The following APBA3 variants were observed in gnomAD, a reference collection of about 807,000 sequenced individuals.
APBA3 encodes the protein amyloid beta precursor protein binding family A member 3.
APBA3 carries 45 observed loss-of-function variants against 55.9 expected under a neutral mutation model. That is an observed-to-expected ratio of 0.80 (90% confidence interval 0.63 to 1.03). The LOEUF (loss-of-function observed/expected upper bound fraction) is 1.03. APBA3 is among the 50% of genes least tolerant of loss of function. APBA3 has a pLI of 0.00. For missense variants in APBA3, 865 were observed against 820.3 expected, an observed-to-expected ratio of 1.05 and a Z score of -0.67; for synonymous variants, 370 against 353.3, an observed-to-expected ratio of 1.05 and a Z score of -0.53.
chr19:3,754,105 C>A lies in APBA3; in HGVS notation c.763G>T (p.Ala255Ser), dbSNP rs1243896316. ...ATGGGCTGGGTCTCCCCATCGGGGG[C>A]CTGTGGGTGGCGGCGTGGGAGGTGG... ...QAREAMDRVK[A>S]PDGETQPMTE... The change falls in exon 5 of 11, where the codon GCC (alanine) becomes TCC (serine). Residue 255 changes from alanine to serine, a missense_variant and splice_region_variant. Physicochemically the swap from Ala to Ser is moderately conservative, Grantham distance 99. Coordinates refer to ENST00000316757, the MANE Select transcript of APBA3 (RefSeq NM_004886.4). 5.0e-6 allele frequency: 8 copies of A among 1,601,178 alleles called. No homozygotes were observed. In the Admixed American group the frequency reaches 5.1e-5, roughly 10 times the overall value.
chr19:3,751,723 A>G (rs2037008510), intron 8 of APBA3, 170 bp from the exon 9 acceptor site: 1 of 788,010 alleles, frequency 1.3e-6, no homozygotes, highest in Non-Finnish European at 1.9e-6. Context: ...CCCGGTGGGC[A>G]TGGGGTCGAA....
Position 3,751,108 on chromosome 19 carries a change from G to A in APBA3, c.1657-11C>T, listed in dbSNP as rs751504608. On this transcript the variant is annotated splice_polypyrimidine_tract_variant and intron_variant, in intron 10 of 10. Coordinates refer to ENST00000316757, the MANE Select transcript of APBA3 (RefSeq NM_004886.4). Reference sequence around the variant, plus strand: ...CGTCTTGATATGCACCTGGGGAGTGGAGGCGGAACGGGGCTCAGGGCAGGC... The same window carrying A: ...CGTCTTGATATGCACCTGGGGAGTGAAGGCGGAACGGGGCTCAGGGCAGGC... 6.4e-7 allele frequency: 1 copy of A among 1,565,598 alleles called. No individual in the cohort carries two copies. The highest frequency in any genetic ancestry group is 8.7e-7 in the Non-Finnish European group (1 of 1,154,768).
chr19:3,759,124 G>A (rs2037112976), intron 3 of APBA3, among the ~76,000 whole-genome samples: 1 of 152,124 alleles, frequency 6.6e-6, no homozygotes, highest in Non-Finnish European at 1.5e-5. Context: ...AGCTATTTGG[G>A]AAACTGAGGT....
At chr19:3,759,071 G>A (rs1478414143) in intron 3 of APBA3, among the ~76,000 whole-genome samples, 1 of 147,438 alleles carries the variant, frequency 6.8e-6, no homozygotes, top group Non-Finnish European at 1.5e-5. Flanking sequence ...AAATAAATAC[G>A]AAATAAAATT....
At chr19:3,755,847 A>C (rs889654974) in intron 3 of APBA3, 1 of 150,626 alleles carries the variant, frequency 6.6e-6, no homozygotes, top group Middle Eastern at 3.2e-3. Context: ...TCATGGTTCT[A>C]GAATTCCCTG....
chr19:3,751,365 G>A (rs1198849654), intron 9 of APBA3, 36 bp from the exon 10 acceptor site: 7 of 1,516,874 alleles, frequency 4.6e-6, no homozygotes, highest in Middle Eastern at 4.6e-4. Context: ...AAAGAGGTGG[G>A]GGCTGCTCAG....
Position 3,759,931 on chromosome 19 carries a change from G to C in APBA3, c.334C>G (p.Leu112Val), listed in dbSNP as rs368420587. 9 of 1,610,818 alleles carry C rather than the reference G, an allele frequency of 5.6e-6. No homozygotes were observed. Among genetic ancestry groups the C allele is most frequent in the Non-Finnish European group, 7.6e-6 (9 of 1,179,294 alleles). ...TCCTCGCAGTGCAAGAGGCCCAGCA[G>C]GTCATCCCGGCCAGCTTCGGCAGAC... ...LLSAEAGRDDLLGLLHCEECP... is the reference protein window; with the variant it reads ...LLSAEAGRDDVLGLLHCEECP... The change falls in exon 2 of 11, where the codon CTG becomes GTG. Residue 112 changes from leucine to valine, a missense_variant. Coordinates refer to ENST00000316757, the MANE Select transcript of APBA3 (RefSeq NM_004886.4).
In APBA3 at chr19:3,752,489, G is replaced by C. The variant is rs775750114; in HGVS notation, c.1395+19C>G. 7.7e-6 allele frequency: 12 copies of C among 1,548,974 alleles called. No homozygotes were observed. The highest frequency in any genetic ancestry group is 1.0e-5 in the Non-Finnish European group (12 of 1,151,484). ...CCCTTCCTGGGAGTGTGGGGGCCCT[G>C]CCACACCAGGAAACTCACGCGGACA... On this transcript the variant is annotated intron_variant, in intron 8 of 10. Coordinates refer to ENST00000316757, the MANE Select transcript of APBA3 (RefSeq NM_004886.4).
chr19:3,756,942 T>G (rs900092344), intron 3 of APBA3, among the ~76,000 whole-genome samples: 1 of 152,196 alleles, frequency 6.6e-6, no homozygotes, highest in East Asian at 1.9e-4. Context: ...TAGAACCAGA[T>G]GCCTCTGTTC....
chr19:3,752,016 C>T (rs1191496892), intron 8 of APBA3: 1 of 194,946 alleles, frequency 5.1e-6, no homozygotes. Context: ...TCAAGACCAG[C>T]CTGGCCAACC....
chr19:3,760,375 G>A, intron 1 of APBA3, 74 bp from the exon 2 acceptor site: 1 of 1,037,934 alleles, frequency 9.6e-7, no homozygotes, highest in South Asian at 1.7e-5. Flanking sequence ...AGAATTTTGG[G>A]AGGCCCAGAA....
chr19:3,751,869 C>G, intron 8 of APBA3: 1 of 354,128 alleles, frequency 2.8e-6, no homozygotes, highest in South Asian at 3.8e-5. Context: ...GCAGGTCCCT[C>G]CCTATCTCTG....
At chr19:3,751,157 G>A (rs2036993566) in intron 10 of APBA3, 32 bp downstream of exon 10, 3 of 1,554,322 alleles carry the variant, frequency 1.9e-6, no homozygotes, top group East Asian at 2.4e-5. Context: ...GGACGTGGGG[G>A]CGCCCCTGGC....
At chr19:3,754,149 C>A (rs1156660652) in intron 4 of APBA3, 44 bp from the exon 5 acceptor site, 3 of 1,554,296 alleles carry the variant, frequency 1.9e-6, no homozygotes, top group South Asian at 1.2e-5. Flanking sequence ...ACAGACCCAG[C>A]CTGCAGCCCA....
At position 3,760,204 on chromosome 19, in the gene APBA3, G is replaced by C; in HGVS notation, c.61C>G (p.Pro21Ala). 1 of 1,612,272 alleles carries C rather than the reference G, an allele frequency of 6.2e-7. No individual in the cohort carries two copies. The highest frequency in any genetic ancestry group is 8.5e-7 in the Non-Finnish European group (1 of 1,179,958). ...SGPPAMDLEGPRDILVPSEDL... is the reference protein window; with the variant it reads ...SGPPAMDLEGARDILVPSEDL... ...TCCGAAGGCACAAGAATGTCCCTGG[G>C]CCCCTCCAAGTCCATGGCTGGAGGC... is the stretch of plus-strand genomic sequence containing the variant. Residue 21 changes from proline (P) to alanine (A), a missense_variant, in exon 2 of 11, where the codon CCC becomes GCC. By Grantham distance (27) the Pro-to-Ala change is conservative. Transcript: ENST00000316757.
chr19:3,753,902 G>C lies in APBA3; in HGVS notation c.874C>G (p.His292Asp), dbSNP rs1182656129. Reference sequence around the variant, plus strand: ...ATGTCGGCTGTGTAGGAGATGGTATGCAGGGCGTGGTCCATCATGGCCTCC... The same window carrying C: ...ATGTCGGCTGTGTAGGAGATGGTATCCAGGGCGTGGTCCATCATGGCCTCC... ...SQEAMMDHALHTISYTADIGC... is the reference protein window; with the variant it reads ...SQEAMMDHALDTISYTADIGC... The change falls in exon 6 of 11, where the codon CAT (histidine) becomes GAT (aspartate). Residue 292 changes from histidine (H) to aspartate (D), a missense_variant. Coordinates refer to ENST00000316757, the MANE Select transcript of APBA3 (RefSeq NM_004886.4). 1.9e-6 allele frequency: 3 copies of C among 1,556,398 alleles called. No individual in the cohort carries two copies. Among genetic ancestry groups the C allele is most frequent in the Non-Finnish European group, 2.6e-6 (3 of 1,149,586 alleles).
Position 3,753,885 on chromosome 19 carries a change from T to C in APBA3, c.891A>G (p.Thr297=), listed in dbSNP as rs1201942615. The C allele has an allele frequency of 2.6e-6, 4 of 1,559,500 alleles. No homozygotes were observed. The highest frequency in any genetic ancestry group is 2.7e-5 in the African/African-American group (2 of 73,680). Residue 297 remains threonine (T), a synonymous_variant, in exon 6 of 11, where the codon ACA becomes ACG. Coordinates refer to ENST00000316757, the MANE Select transcript of APBA3 (RefSeq NM_004886.4). ...GCACCAGCACGCAGCCGATGTCGGC[T>C]GTGTAGGAGATGGTATGCAGGGCGT... ...MDHALHTISY[T]ADIGCVLVLM... is the part of the protein sequence containing the mutation.
At chr19:3,753,055 C>T (rs1009723065) in intron 6 of APBA3, 65 bp from the exon 7 acceptor site, 2 of 1,571,022 alleles carry the variant, frequency 1.3e-6, no homozygotes, top group South Asian at 1.1e-5. Context: ...CCAAAGTCCC[C>T]AGGGTCCTCA....
rs370444477 is a variant in APBA3, at chr19:3,752,459, A to G, written c.1395+49T>C. On this transcript the variant is annotated intron_variant, in intron 8 of 10. Transcript: ENST00000316757. ...CAGGGAGGAGACCTCTCTGGGACTCAGCTCCCCTTCCTGGGAGTGTGGGGG... is the reference window on the plus strand; with the variant it reads ...CAGGGAGGAGACCTCTCTGGGACTCGGCTCCCCTTCCTGGGAGTGTGGGGG... The G allele has an allele frequency of 7.4e-5, 110 of 1,494,922 alleles. No individual in the cohort carries two copies. The African/African-American group carries it at 1.4e-3, about 19-fold the overall frequency. The allele number at this position is 1,494,922 out of a possible 1,614,324, so 92.6% of individuals were successfully genotyped here.
Sources: gnomAD v4.1 joint callset for allele counts (sites outside exome capture counted in the v4.1 genomes callset) on GRCh38, gnomAD v4.1.1 for gene constraint, MANE v1.5 for transcripts, NCBI Gene and HGNC (gene_info 2026-07-23, HGNC 2026-07-21) for gene names.